TMEM131: variants seen among roughly 807,000 people sequenced by gnomAD.
TMEM131 encodes the protein 2610524E03Rik.
In TMEM131, 66 loss-of-function variants were observed where a neutral mutation model predicts 211.6. The observed-to-expected ratio is 0.31, with a 90% CI of 0.26 to 0.38. TMEM131 has a LOEUF of 0.38. Among genes scored for constraint, TMEM131 ranks in the 10% least tolerant of loss-of-function variants. The pLI, the probability that TMEM131 is intolerant of heterozygous loss-of-function variation, is 1.00. For synonymous variants in TMEM131, 844 were observed against 841.3 expected (o/e 1.00, Z -0.06); for missense variants, 2,036 against 2,299.3 (o/e 0.89, Z 2.34).
chr2:97,829,601 G>A (rs1682563624), intron 11 of TMEM131, among the ~76,000 whole-genome samples: 1 of 152,228 alleles, frequency 6.6e-6, no homozygotes, highest in South Asian at 2.1e-4. Context: ...ACCCAAGCCA[G>A]CAGAGGCAAC....
chr2:97,839,848 G>C (rs1351941395), intron 7 of TMEM131, among the ~76,000 whole-genome samples: 1 of 152,212 alleles, frequency 6.6e-6, no homozygotes, highest in Non-Finnish European at 1.5e-5. Context: ...AAGCAGGAAA[G>C]GAACTATTCC....
At chr2:97,788,313 T>C (rs1156967551) in intron 31 of TMEM131, among the ~76,000 whole-genome samples, 2 of 152,192 alleles carry the variant, frequency 1.3e-5, no homozygotes. Flanking sequence ...GCTGACTCCC[T>C]GGGCCTACAA....
intron 1 of TMEM131, among the ~76,000 whole-genome samples, chr2:97,961,396 A>G (rs1274510955): frequency 6.6e-6 from 1 of 152,212 alleles, no homozygotes; most frequent in Non-Finnish European, 1.5e-5. Flanking sequence ...CATGAGAGAT[A>G]AATACTGTTT....
intron 1 of TMEM131, among the ~76,000 whole-genome samples, chr2:97,960,938 C>T (rs1286541524): frequency 6.6e-6 from 1 of 151,950 alleles, no homozygotes; most frequent in Non-Finnish European, 1.5e-5. Context: ...AGTTACTTCA[C>T]CATCTTAATA....
At chr2:97,928,958 A>G (rs1398417644) in intron 1 of TMEM131, among the ~76,000 whole-genome samples, 3 of 151,900 alleles carry the variant, frequency 2.0e-5, no homozygotes, top group African/African-American at 7.3e-5. Context: ...TTCATAGGTT[A>G]GTATACATAC....
intron 1 of TMEM131, among the ~76,000 whole-genome samples, chr2:97,937,163 C>T (rs938738521): frequency 1.3e-5 from 2 of 151,932 alleles, no homozygotes; most frequent in African/African-American, 4.8e-5. Context: ...AAGGAAACCA[C>T]GTGCAAAACT....
At chr2:97,821,398 G>T (rs897570134) in intron 11 of TMEM131, among the ~76,000 whole-genome samples, 1 of 152,194 alleles carries the variant, frequency 6.6e-6, no homozygotes, top group African/African-American at 2.4e-5. Context: ...GGCCAAATAA[G>T]GGAATAAAAG....
chr2:97,788,846 C>T (rs1680369486), intron 31 of TMEM131, among the ~76,000 whole-genome samples: 1 of 152,062 alleles, frequency 6.6e-6, no homozygotes, highest in Non-Finnish European at 1.5e-5. Context: ...TGACCTTGGC[C>T]CAGAGATATT....
In TMEM131 at chr2:97,792,940, C is replaced by T; in HGVS notation, c.3590G>A (p.Cys1197Tyr). ...SCDPGHSRGF[C>Y]GAGGSSSRPS... The stretch of plus-strand genomic sequence containing the variant: ...TCGGGATGATGAACCGCCTGCTCCA[C>T]AGAACCCCCTACTGTGACCGGGGTC... The change falls in exon 31 of 41, where the codon TGT (cysteine) becomes TAT (tyrosine). Residue 1197 changes from cysteine to tyrosine, a missense_variant. Physicochemically the swap from Cys to Tyr is radical, Grantham distance 194 (BLOSUM62 -2). Coordinates refer to ENST00000186436, the MANE Select transcript of TMEM131 (RefSeq NM_015348.2). 1 of 1,608,922 alleles carries T rather than the reference C, an allele frequency of 6.2e-7. No homozygotes were observed. The highest frequency in any genetic ancestry group is 8.5e-7 in the Non-Finnish European group (1 of 1,178,354).
chr2:97,993,443 G>A (rs1680347515), intron 1 of TMEM131, among the ~76,000 whole-genome samples: 1 of 152,162 alleles, frequency 6.6e-6, no homozygotes, highest in African/African-American at 2.4e-5. Flanking sequence ...TACTTACTCA[G>A]AAACAATACT....
intron 33 of TMEM131, among the ~76,000 whole-genome samples, chr2:97,769,867 C>T (rs1038505720): frequency 1.3e-5 from 2 of 152,222 alleles, no homozygotes; most frequent in African/African-American, 2.4e-5. Context: ...CTGGAAAACA[C>T]GGTTAGATCA....
intron 3 of TMEM131, among the ~76,000 whole-genome samples, chr2:97,902,109 A>G (rs1228424810): frequency 1.3e-5 from 2 of 152,172 alleles, no homozygotes; most frequent in Admixed American, 6.6e-5. Context: ...AAAGTAGAGT[A>G]AAAATCCTAA....
At chr2:97,840,643 T>A (rs181079997) in intron 7 of TMEM131, among the ~76,000 whole-genome samples, 1 of 152,290 alleles carries the variant, frequency 6.6e-6, no homozygotes, top group East Asian at 1.9e-4. Flanking sequence ...TACATAGATT[T>A]GTAATAACAG....
At chr2:97,942,571 G>A (rs991261303) in intron 1 of TMEM131, among the ~76,000 whole-genome samples, 1 of 151,242 alleles carries the variant, frequency 6.6e-6, no homozygotes, top group Admixed American at 6.6e-5. Flanking sequence ...TACAGTAAAA[G>A]GGATTAAAAG....
intron 33 of TMEM131, among the ~76,000 whole-genome samples, chr2:97,768,546 C>CT (rs1403857972): frequency 2.0e-5 from 3 of 152,108 alleles, no homozygotes; most frequent in African/African-American, 7.2e-5. Context: ...ATCAAGAATC[C>CT]TTTTTTAAGG....
chr2:97,883,021 G>C (rs1301244368), intron 4 of TMEM131, among the ~76,000 whole-genome samples: 2 of 152,138 alleles, frequency 1.3e-5, no homozygotes, highest in Admixed American at 6.5e-5. Flanking sequence ...TTCTGGTGTG[G>C]AGCCTTCTTT....
At chr2:97,893,743 T>C (rs1316887247) in intron 3 of TMEM131, among the ~76,000 whole-genome samples, 8 of 152,014 alleles carry the variant, frequency 5.3e-5, no homozygotes, top group Non-Finnish European at 1.0e-4. Flanking sequence ...GGTTTTTTTT[T>C]CTTGTAAATT....
At chr2:97,919,931 G>T (rs1038103661) in intron 2 of TMEM131, among the ~76,000 whole-genome samples, 10 of 152,178 alleles carry the variant, frequency 6.6e-5, no homozygotes, top group African/African-American at 2.4e-4. Flanking sequence ...GGAAGAACTT[G>T]GCATTCAGTT....
chr2:97,879,307 G>A (rs1653679261), intron 4 of TMEM131, among the ~76,000 whole-genome samples: 2 of 152,206 alleles, frequency 1.3e-5, no homozygotes, highest in Non-Finnish European at 2.9e-5. Flanking sequence ...GGTGGTGTTA[G>A]AGCAAGTGAA....
Sources: gnomAD v4.1 joint callset for allele counts (sites outside exome capture counted in the v4.1 genomes callset) on GRCh38, gnomAD v4.1.1 for gene constraint, MANE v1.5 for transcripts, NCBI Gene and HGNC (gene_info 2026-07-23, HGNC 2026-07-21) for gene names.